NEMF: variants seen among roughly 807,000 people sequenced by gnomAD.
The protein encoded by NEMF is nuclear export mediator factor, also known as ribosome quality control complex subunit NEMF.
In NEMF, 89 loss-of-function variants were observed where a neutral mutation model predicts 162.2. The observed-to-expected ratio is 0.55, with a 90% CI of 0.46 to 0.65. The LOEUF (loss-of-function observed/expected upper bound fraction) is 0.65. Ranked by LOEUF, NEMF falls within the 30% of genes least tolerant of loss-of-function variation. The probability of loss-of-function intolerance (pLI) is 0.00; values close to 1 mark genes in which losing one functional copy is unlikely to be tolerated. For synonymous variants in NEMF, 421 were observed against 404.5 expected, an observed-to-expected ratio of 1.04 and a Z score of -0.49; for missense variants, 1,133 against 1,261.9, an observed-to-expected ratio of 0.90 and a Z score of 1.55.
In NEMF at chr14:49,821,187, G is replaced by A. The variant is rs1446141987; in HGVS notation, c.1577+4680C>T. The stretch of plus-strand genomic sequence containing the variant: ...TGGGAAGTGAGGAGCGTCTCCGCCC[G>A]GCAGCCACCACGCCCGGGAGGGAGG... On this transcript the variant is annotated intron_variant, in intron 16 of 32. Transcript: ENST00000298310. Among the ~76,000 whole-genome samples, 2 of 11,902 alleles carry A rather than the reference G, an allele frequency of 1.7e-4. 1 individual carries two copies. The highest frequency in any genetic ancestry group is 0.03 in the East Asian group (2 of 66). The allele number at this position is 11,902 out of a possible 152,430, so 7.8% of individuals were successfully genotyped here. A position where few individuals can be genotyped will look rare whatever the true frequency, so the allele number is the denominator to read the frequency against.
intron 3 of NEMF, among the ~76,000 whole-genome samples, chr14:49,850,750 G>A (rs1280838131): frequency 1.3e-5 from 2 of 151,576 alleles, no homozygotes; most frequent in Non-Finnish European, 2.9e-5. Context: ...AGAGGAATAC[G>A]ACTCACAAAA....
rs182415891 is a variant in NEMF at position 49,796,366 on chromosome 14, G to A, written c.2466-422C>T. Reference sequence around the variant, plus strand: ...AAAATACACAGGTTAAGAAGGAAGGGTAAATTTTATTACTGTGGTATTCTT... The same window carrying A: ...AAAATACACAGGTTAAGAAGGAAGGATAAATTTTATTACTGTGGTATTCTT... On this transcript the variant is annotated intron_variant, in intron 25 of 32. Transcript: ENST00000298310. 3.6e-5 allele frequency: 16 copies of A among 446,724 alleles called. No homozygotes were observed. In the East Asian group the frequency reaches 1.1e-3, roughly 32 times the overall value. The allele number at this position is 446,724 out of a possible 1,614,324, so 27.7% of individuals were successfully genotyped here. A position where few individuals can be genotyped will look rare whatever the true frequency, so the allele number is the denominator to read the frequency against.
At chr14:49,808,354 T>C (rs1324459528) in intron 18 of NEMF, among the ~76,000 whole-genome samples, 4 of 152,000 alleles carry the variant, frequency 2.6e-5, no homozygotes, top group African/African-American at 9.7e-5. Flanking sequence ...TCATATTTTT[T>C]AGTTGATACA....
intron 25 of NEMF, chr14:49,796,397 T>C: frequency 2.4e-6 from 1 of 420,012 alleles, no homozygotes; most frequent in Non-Finnish European, 4.8e-6. Flanking sequence ...TTCTTCTTTC[T>C]GTTCCCAATG....
At chr14:49,810,528 G>A (rs1448539301) in intron 18 of NEMF, among the ~76,000 whole-genome samples, 2 of 152,114 alleles carry the variant, frequency 1.3e-5, no homozygotes, top group Non-Finnish European at 2.9e-5. Context: ...CCTCATGCCA[G>A]TACCAGTGTC....
chr14:49,808,150 A>G (rs1594753069), intron 18 of NEMF, among the ~76,000 whole-genome samples: 1 of 151,704 alleles, frequency 6.6e-6, no homozygotes, highest in East Asian at 1.9e-4. Context: ...TTTCTTGATA[A>G]TGTTCCTTGG....
chr14:49,814,062 A>G lies in NEMF; in HGVS notation c.1682-12T>C. On this transcript the variant is annotated splice_polypyrimidine_tract_variant and intron_variant, in intron 17 of 32. Coordinates refer to ENST00000298310, the MANE Select transcript of NEMF (RefSeq NM_004713.6). ...TACATAAATGTCTCCTTAAATACAG[A>G]CAAATAAAAAATGACACTTTAAGTC... 6.8e-7 allele frequency: 1 copy of G among 1,473,110 alleles called. No individual in the cohort carries two copies. Among genetic ancestry groups the G allele is most frequent in the South Asian group, 1.1e-5 (1 of 87,186 alleles). The allele number at this position is 1,473,110 out of a possible 1,614,324, so 91.3% of individuals were successfully genotyped here.
rs775869943 is a variant in NEMF at position 49,782,830 on chromosome 14, G to C, written c.*1806C>G. ...TTTCTCTTTCCTTGTCCACTTTCAG[G>C]CTAAGCTTAGAAGCAGTCATTTGCT... On this transcript the variant is annotated 3_prime_UTR_variant, in exon 33 of 33. Coordinates refer to ENST00000298310, the MANE Select transcript of NEMF (RefSeq NM_004713.6). The C allele has an allele frequency of 6.8e-6, 11 of 1,611,788 alleles. No individual in the cohort carries two copies. The highest frequency in any genetic ancestry group is 9.3e-6 in the Non-Finnish European group (11 of 1,179,328).
chr14:49,837,786 G>A (rs932390969), intron 6 of NEMF, among the ~76,000 whole-genome samples: 2 of 139,982 alleles, frequency 1.4e-5, no homozygotes, highest in Non-Finnish European at 3.0e-5. Flanking sequence ...GGACCTGTCA[G>A]ATGCTGGGAT....
intron 20 of NEMF, 148 bp downstream of exon 20, chr14:49,803,089 A>G: frequency 1.6e-6 from 1 of 626,826 alleles, no homozygotes; most frequent in Admixed American, 3.1e-5. Context: ...TTGTCACACC[A>G]AGGCAAAAAT....
chr14:49,833,035 G>T (rs751850615), intron 8 of NEMF, among the ~76,000 whole-genome samples: 14 of 152,172 alleles, frequency 9.2e-5, no homozygotes, highest in East Asian at 3.8e-4. Context: ...GGAGGCCAAG[G>T]CAGGCGGATC....
chr14:49,797,287 C>T (rs962578183), intron 25 of NEMF: 4 of 151,998 alleles, frequency 2.6e-5, no homozygotes, highest in East Asian at 1.9e-4. Flanking sequence ...GTTCCCTTCC[C>T]TTCCGCCCTT....
At chr14:49,840,512 C>T (rs546098460) in intron 5 of NEMF, among the ~76,000 whole-genome samples, 11 of 151,276 alleles carry the variant, frequency 7.3e-5, no homozygotes. Context: ...CCAAATAAGA[C>T]TTAATTGCTT....
At position 49,851,695 on chromosome 14, in the gene NEMF, T is replaced by C. The variant is rs777854797; in HGVS notation, c.129-30A>G. Reference sequence around the variant, plus strand: ...AGAAGAAAAAAGTCGAATTTTTCTTTAGGGTATATGCCAAAGCTAATTGCT... The same window carrying C: ...AGAAGAAAAAAGTCGAATTTTTCTTCAGGGTATATGCCAAAGCTAATTGCT... On this transcript the variant is annotated intron_variant, in intron 2 of 32. Coordinates refer to ENST00000298310, the MANE Select transcript of NEMF (RefSeq NM_004713.6). 19 of 1,572,538 alleles carry C rather than the reference T, an allele frequency of 1.2e-5. No individual in the cohort carries two copies. The African/African-American group carries it at 2.2e-4, about 18-fold the overall frequency.
chr14:49,795,163 C>T lies in NEMF; in HGVS notation c.2619+628G>A, dbSNP rs1327209130. On this transcript the variant is annotated intron_variant, in intron 26 of 32. Transcript: ENST00000298310. The stretch of plus-strand genomic sequence containing the variant: ...CAGCCCAGACAATATAGTTAGACCC[C>T]ATCGTTACAAAAAATAAAAAAATTT... 3.3e-5 allele frequency among the ~76,000 whole-genome samples: 5 copies of T among 152,020 alleles called. No individual in the cohort carries two copies. The East Asian group carries it at 5.8e-4, about 18-fold the overall frequency.
Position 49,782,978 on chromosome 14 carries a change from C to A in NEMF, c.*1658G>T. ...AGGCTTCATAAATAATGCCTATGAT[C>A]ACCTTGCATGGACAGCAATCCTGTA... On this transcript the variant is annotated 3_prime_UTR_variant, in exon 33 of 33. Coordinates refer to ENST00000298310, the MANE Select transcript of NEMF (RefSeq NM_004713.6). 1 of 1,605,730 alleles carries A rather than the reference C, an allele frequency of 6.2e-7. No individual in the cohort carries two copies.
chr14:49,831,098 A>C (rs989558636), intron 11 of NEMF, among the ~76,000 whole-genome samples: 5 of 152,192 alleles, frequency 3.3e-5, no homozygotes, highest in Non-Finnish European at 7.3e-5. Context: ...AATACTCATG[A>C]AACAAATGAG....
chr14:49,790,993 C>CA (rs1242858749), intron 26 of NEMF, among the ~76,000 whole-genome samples: 1 of 151,408 alleles, frequency 6.6e-6, no homozygotes, highest in African/African-American at 2.4e-5. Flanking sequence ...AACTCTGTCT[C>CA]AAAAAACAAA....
chr14:49,808,110 T>A (rs1334000326), intron 18 of NEMF, among the ~76,000 whole-genome samples: 3 of 152,174 alleles, frequency 2.0e-5, no homozygotes, highest in Non-Finnish European at 2.9e-5. Flanking sequence ...TTGCAAATAT[T>A]TTCTCTTATT....
Sources: allele counts gnomAD v4.1 joint callset (sites outside exome capture counted in the v4.1 genomes callset), GRCh38; gene constraint gnomAD v4.1.1; transcripts MANE v1.5; gene names NCBI Gene and HGNC (gene_info 2026-07-23, HGNC 2026-07-21).